Variants in KDM4B observed in about 807,000 individuals in gnomAD.
KDM4B encodes lysine-specific demethylase 4B.
In KDM4B, 32 loss-of-function variants were observed where a neutral mutation model predicts 125.2. That is an observed-to-expected ratio of 0.26 (90% CI 0.19 to 0.34). The LOEUF (loss-of-function observed/expected upper bound fraction) is 0.34, where lower values mean the gene tolerates loss of function less well. Among genes scored for constraint, KDM4B ranks in the 10% least tolerant of loss-of-function variants. The pLI, the probability that KDM4B is intolerant of heterozygous loss-of-function variation, is 1.00. For missense variants in KDM4B, 1,190 were observed against 1,577.7 expected (o/e 0.75, Z 4.16); for synonymous variants, 721 against 677.9 (o/e 1.06, Z -0.99).
chr19:5,061,796 G>T (rs1361071588), intron 6 of KDM4B, among the ~76,000 whole-genome samples: 1 of 149,644 alleles, frequency 6.7e-6, no homozygotes, highest in Non-Finnish European at 1.5e-5. Flanking sequence ...TTGAGCCTGG[G>T]AATTTGAGGC....
Position 4,971,878 on chromosome 19 carries a change from G to A in KDM4B, c.-109+2648G>A, listed in dbSNP as rs1250027763. Among the ~76,000 whole-genome samples the A allele has an allele frequency of 2.6e-5, 4 of 151,954 alleles. No individual in the cohort carries two copies. The highest frequency in any genetic ancestry group is 5.9e-5 in the Non-Finnish European group (4 of 67,958). ...CACTTGCTCAGTGACAAAGCAGATC[G>A]GGGGCACTAAATCTTTCGGAGCCCA... On this transcript the variant is annotated intron_variant, in intron 1 of 22. Transcript: ENST00000159111. The surrounding 1 kb of genome is among the most constrained non-coding windows in gnomAD (Gnocchi z 4.1).
chr19:4,974,938 G>T (rs752789769), intron 1 of KDM4B, among the ~76,000 whole-genome samples: 3 of 151,838 alleles, frequency 2.0e-5, no homozygotes, highest in Non-Finnish European at 4.4e-5. Context: ...TCCTGCACCT[G>T]CTCCTTTCCT....
intron 9 of KDM4B, 133 bp from the exon 10 acceptor site, chr19:5,110,489 A>G: frequency 1.3e-6 from 1 of 795,412 alleles, no homozygotes; most frequent in Non-Finnish European, 2.1e-6. Context: ...AAAATGTTCT[A>G]GAAGCGGAAT....
chr19:5,094,841 C>G (rs969676970), intron 9 of KDM4B, among the ~76,000 whole-genome samples: 1 of 152,226 alleles, frequency 6.6e-6, no homozygotes, highest in African/African-American at 2.4e-5. Flanking sequence ...TCAGGCCAGC[C>G]GCGGGTCAAG....
At chr19:5,124,482 TCCTC>T (rs2039416581) in intron 11 of KDM4B, among the ~76,000 whole-genome samples, 1 of 152,078 alleles carries the variant, frequency 6.6e-6, no homozygotes, top group Non-Finnish European at 1.5e-5. Flanking sequence ...ATGGGTGTCT[TCCTC>T]CCTCTTGAGC....
chr19:5,051,700 C>T (rs1290315571), intron 6 of KDM4B, among the ~76,000 whole-genome samples: 3 of 152,232 alleles, frequency 2.0e-5, no homozygotes, highest in South Asian at 2.1e-4. Context: ...TCTGCAGCTC[C>T]GCTTGTCAGA....
chr19:5,087,089 G>A (rs1483262053), intron 9 of KDM4B, among the ~76,000 whole-genome samples: 1 of 152,264 alleles, frequency 6.6e-6, no homozygotes, highest in African/African-American at 2.4e-5. Context: ...GCCTGCCTGA[G>A]CTCACAGGTG....
At position 5,108,909 on chromosome 19, in the gene KDM4B, C is replaced by T. The variant is rs2039085964; in HGVS notation, c.919-1713C>T. 3.9e-5 allele frequency among the ~76,000 whole-genome samples: 6 copies of T among 152,294 alleles called. No homozygotes were observed. The South Asian group carries it at 1.2e-3, about 32-fold the overall frequency. The stretch of plus-strand genomic sequence containing the variant: ...GCCCCGTTCAGACGGGGGCCCGTGC[C>T]TCTGCCCCCCACGCCCCGAGCTTCC... On this transcript the variant is annotated intron_variant, in intron 9 of 22. Coordinates refer to ENST00000159111, the MANE Select transcript of KDM4B (RefSeq NM_015015.3).
In KDM4B at chr19:5,141,878, A is replaced by G. The variant is rs1245366812; in HGVS notation, c.2551-2089A>G. 6.6e-6 allele frequency among the ~76,000 whole-genome samples: 1 copy of G among 151,224 alleles called. No individual in the cohort carries two copies. The highest frequency in any genetic ancestry group is 1.5e-5 in the Non-Finnish European group (1 of 67,834). ...GCTTGGGATGGGGGGAGGCGCCTCC[A>G]GGGCAGCAGGAGGGGTGGGCAGTTG... is the stretch of plus-strand genomic sequence containing the variant. On this transcript the variant is annotated intron_variant, in intron 18 of 22. Coordinates refer to ENST00000159111, the MANE Select transcript of KDM4B (RefSeq NM_015015.3). This position sits in a 1 kb window ranked among gnomAD's most constrained non-coding sequence, Gnocchi z 6.4.
intron 6 of KDM4B, among the ~76,000 whole-genome samples, chr19:5,065,979 G>A (rs887359222): frequency 1.3e-5 from 2 of 152,210 alleles, no homozygotes; most frequent in Admixed American, 6.5e-5. Flanking sequence ...CTCTGGTCTC[G>A]GTGCTGAAAC....
At chr19:4,977,560 G>A (rs1430166193) in intron 1 of KDM4B, among the ~76,000 whole-genome samples, 2 of 152,152 alleles carry the variant, frequency 1.3e-5, no homozygotes, top group African/African-American at 2.4e-5. Context: ...GCCTGTTTGC[G>A]TTTTTGCGGC....
At chr19:5,128,685 CT>C (rs2039490351) in intron 11 of KDM4B, among the ~76,000 whole-genome samples, 1 of 152,162 alleles carries the variant, frequency 6.6e-6, no homozygotes, top group Non-Finnish European at 1.5e-5. Context: ...CTTCCGGCCC[CT>C]CCCCTCTGCA....
chr19:5,109,801 G>A (rs2039105640), intron 9 of KDM4B, among the ~76,000 whole-genome samples: 1 of 152,234 alleles, frequency 6.6e-6, no homozygotes. Context: ...CCTGAGGAGG[G>A]GCCGTTGTCA....
At position 5,123,224 on chromosome 19, in the gene KDM4B, C is replaced by T. The variant is rs190807490; in HGVS notation, c.1315+3372C>T. Among the ~76,000 whole-genome samples the T allele has an allele frequency of 1.7e-3, 264 of 152,340 alleles. 1 individual carries two copies. Among genetic ancestry groups the T allele is most frequent in the Non-Finnish European group, 2.9e-3 (195 of 68,032 alleles). ...ACGGGGCTTCTCATATGCTGTGCTC[C>T]GTTTGTTTAAAGTCCACAGATGGGG... On this transcript the variant is annotated intron_variant, in intron 11 of 22. Transcript: ENST00000159111.
chr19:5,034,024 C>T (rs2036540147), intron 3 of KDM4B, among the ~76,000 whole-genome samples: 1 of 152,132 alleles, frequency 6.6e-6, no homozygotes, highest in Admixed American at 6.5e-5. Context: ...GTCCCAGCTA[C>T]TCGGGAGGCT....
chr19:5,014,377 C>T (rs543886150), intron 1 of KDM4B, among the ~76,000 whole-genome samples: 5 of 152,216 alleles, frequency 3.3e-5, no homozygotes, highest in South Asian at 2.1e-4. Context: ...CCTGGGTTCA[C>T]GCCATTCTCC....
At chr19:5,106,323 T>A (rs1167556071) in intron 9 of KDM4B, among the ~76,000 whole-genome samples, 1 of 152,178 alleles carries the variant, frequency 6.6e-6, no homozygotes, top group Non-Finnish European at 1.5e-5. Flanking sequence ...ATCTTTGAAT[T>A]CCTTCCTTCC....
At chr19:5,057,803 C>A (rs530913327) in intron 6 of KDM4B, among the ~76,000 whole-genome samples, 1 of 152,190 alleles carries the variant, frequency 6.6e-6, no homozygotes, top group Non-Finnish European at 1.5e-5. Context: ...GGCCTGAACC[C>A]GAAGGTGTGG....
intron 7 of KDM4B, 39 bp downstream of exon 7, chr19:5,071,098 A>G (rs1387376733): frequency 6.3e-7 from 1 of 1,595,258 alleles, no homozygotes; most frequent in Admixed American, 1.7e-5. Context: ...ACCTGGGACC[A>G]GGTGGGAGGG....
Sources: allele counts gnomAD v4.1 joint callset (sites outside exome capture counted in the v4.1 genomes callset), GRCh38; gene constraint gnomAD v4.1.1; non-coding constraint Gnocchi (gnomAD v3.1); transcripts MANE v1.5; gene names NCBI Gene and HGNC (gene_info 2026-07-23, HGNC 2026-07-21).